FBXW7: variants seen among roughly 807,000 people sequenced by gnomAD.
FBXW7 encodes the protein F-box/WD repeat-containing protein 7.
In FBXW7, 11 loss-of-function variants were observed where a neutral mutation model predicts 86.3. The observed-to-expected ratio is 0.13, with a 90% CI of 0.08 to 0.21. FBXW7 has a LOEUF of 0.21. Among genes scored for constraint, FBXW7 ranks in the 10% least tolerant of loss-of-function variants. The pLI, the probability that FBXW7 is intolerant of heterozygous loss-of-function variation, is 1.00. For synonymous variants in FBXW7, 313 were observed against 297.9 expected, an observed-to-expected ratio of 1.05 and a Z score of -0.52; for missense variants, 488 against 847.4, an observed-to-expected ratio of 0.58 and a Z score of 5.27.
At chr4:152,524,097 C>G (rs1049870390) in intron 2 of FBXW7, among the ~76,000 whole-genome samples, 5 of 152,186 alleles carry the variant, frequency 3.3e-5, no homozygotes, top group Admixed American at 3.3e-4. Context: ...TGGATGCTAA[C>G]TTAGGCAGAC....
At chr4:152,532,363 G>A (rs986188971) in intron 2 of FBXW7, among the ~76,000 whole-genome samples, 1 of 152,088 alleles carries the variant, frequency 6.6e-6, no homozygotes, top group Non-Finnish European at 1.5e-5. Flanking sequence ...TCCTAATCCA[G>A]GCATACAGCT....
chr4:152,516,662 T>C (rs1026817357), intron 2 of FBXW7, among the ~76,000 whole-genome samples: 6 of 152,262 alleles, frequency 3.9e-5, no homozygotes, highest in African/African-American at 1.2e-4. Context: ...TTATAAGTGA[T>C]GTAATTCAAT....
intron 2 of FBXW7, among the ~76,000 whole-genome samples, chr4:152,457,125 C>T (rs781097732): frequency 1.3e-5 from 2 of 152,064 alleles, no homozygotes; most frequent in Non-Finnish European, 2.9e-5. Context: ...AGAAGTCAGA[C>T]AAAAGAGGAG....
chr4:152,467,452 G>A (rs529148849), intron 2 of FBXW7, among the ~76,000 whole-genome samples: 2 of 152,050 alleles, frequency 1.3e-5, no homozygotes, highest in Admixed American at 6.6e-5. Context: ...TATCAGCAGC[G>A]TGAGAACGGA....
At chr4:152,497,936 A>C (rs1198748863) in intron 2 of FBXW7, among the ~76,000 whole-genome samples, 1 of 152,244 alleles carries the variant, frequency 6.6e-6, no homozygotes, top group African/African-American at 2.4e-5. Flanking sequence ...CAATATGAAC[A>C]CATCTAGAAA....
At chr4:152,510,126 A>T (rs1010446170) in intron 2 of FBXW7, among the ~76,000 whole-genome samples, 4 of 152,248 alleles carry the variant, frequency 2.6e-5, no homozygotes, top group African/African-American at 9.6e-5. Flanking sequence ...TTTCATACTT[A>T]CAAAAAAATT....
intron 4 of FBXW7, among the ~76,000 whole-genome samples, chr4:152,386,007 T>C (rs1300888141): frequency 6.6e-6 from 1 of 151,936 alleles, no homozygotes; most frequent in Non-Finnish European, 1.5e-5. Context: ...AAACAAACCT[T>C]CAAATATAGA....
chr4:152,416,786 C>T (rs1738477081), intron 2 of FBXW7, among the ~76,000 whole-genome samples: 1 of 152,104 alleles, frequency 6.6e-6, no homozygotes, highest in Non-Finnish European at 1.5e-5. Context: ...AAGACTATTC[C>T]TCAGTCCACA....
chr4:152,442,883 T>G (rs144487597), intron 2 of FBXW7, among the ~76,000 whole-genome samples: 141 of 152,336 alleles, frequency 9.3e-4, no homozygotes, highest in African/African-American at 3.2e-3. Flanking sequence ...GGAAAGCTTA[T>G]AATAGTTTCA....
chr4:152,365,962 A>C lies in FBXW7; in HGVS notation c.502-15838T>G, dbSNP rs531781535. Among the ~76,000 whole-genome samples, 181 of 152,310 alleles carry C rather than the reference A, an allele frequency of 1.2e-3. 2 individuals carry two copies. Among genetic ancestry groups the C allele is most frequent in the Middle Eastern group, 0.01 (3 of 294 alleles). On this transcript the variant is annotated intron_variant, in intron 4 of 13. Coordinates refer to ENST00000281708, the MANE Select transcript of FBXW7 (RefSeq NM_001349798.2). ...AGCTCCTCACATAGTTCCTGCATATAGTAGGGTACCAATAAAAAATATTTA... is the reference window on the plus strand; with the variant it reads ...AGCTCCTCACATAGTTCCTGCATATCGTAGGGTACCAATAAAAAATATTTA...
At chr4:152,509,883 T>A (rs1408013227) in intron 2 of FBXW7, among the ~76,000 whole-genome samples, 2 of 152,214 alleles carry the variant, frequency 1.3e-5, no homozygotes, top group Non-Finnish European at 2.9e-5. Flanking sequence ...TATAAAATAG[T>A]CTGAGAGGCC....
chr4:152,485,422 C>T (rs1234678634), intron 2 of FBXW7, among the ~76,000 whole-genome samples: 1 of 151,908 alleles, frequency 6.6e-6, no homozygotes, highest in Non-Finnish European at 1.5e-5. Context: ...AGTGGTATTG[C>T]TATAGTAATT....
chr4:152,389,566 G>T (rs1314801282), intron 4 of FBXW7, among the ~76,000 whole-genome samples: 1 of 152,012 alleles, frequency 6.6e-6, no homozygotes, highest in African/African-American at 2.4e-5. Context: ...GTGTACACAT[G>T]AACATGGAGT....
chr4:152,349,017 A>G (rs1156927281), intron 5 of FBXW7, among the ~76,000 whole-genome samples: 5 of 152,074 alleles, frequency 3.3e-5, no homozygotes, highest in Admixed American at 1.3e-4. Context: ...GACTATTCCA[A>G]TTATGATGAT....
chr4:152,494,474 T>C (rs34446426), intron 2 of FBXW7, among the ~76,000 whole-genome samples: 39 of 152,334 alleles, frequency 2.6e-4, no homozygotes, highest in Non-Finnish European at 4.0e-4. Flanking sequence ...ATTTATAATT[T>C]TTTTTAAATG....
intron 2 of FBXW7, among the ~76,000 whole-genome samples, chr4:152,490,692 G>A (rs192119490): frequency 6.8e-4 from 104 of 152,184 alleles, no homozygotes; most frequent in African/African-American, 2.3e-3. Flanking sequence ...ATGGAAATAT[G>A]AACTGGCAAA....
intron 2 of FBXW7, among the ~76,000 whole-genome samples, chr4:152,460,719 T>C (rs915693956): frequency 1.3e-5 from 2 of 152,222 alleles, no homozygotes; most frequent in Non-Finnish European, 2.9e-5. Flanking sequence ...TGACCACTTA[T>C]GTGCTAACAT....
At chr4:152,325,160 C>G (rs1488213980) in intron 12 of FBXW7, 14 of 152,086 alleles carry the variant, frequency 9.2e-5, no homozygotes, top group African/African-American at 3.4e-4. Context: ...GCAGCCAATT[C>G]CCCTTCCTCC....
intron 4 of FBXW7, chr4:152,382,246 C>T (rs768815875): frequency 1.2e-6 from 2 of 1,601,852 alleles, no homozygotes; most frequent in Non-Finnish European, 1.7e-6. Context: ...ATATCTTCAT[C>T]ACAGTTTGAT....
Sources: allele counts gnomAD v4.1 joint callset (sites outside exome capture counted in the v4.1 genomes callset), GRCh38; gene constraint gnomAD v4.1.1; transcripts MANE v1.5; gene names NCBI Gene and HGNC (gene_info 2026-07-23, HGNC 2026-07-21).